Variants in CCNY observed in about 807,000 individuals in gnomAD.
The protein encoded by CCNY is cyclin Y, also known as cyclin-Y.
CCNY carries 19 observed loss-of-function variants against 42.8 expected under a neutral mutation model. The observed-to-expected ratio is 0.44, with a 90% CI of 0.31 to 0.65. CCNY has a LOEUF of 0.65. Ranked by LOEUF, CCNY falls within the 30% of genes least tolerant of loss-of-function variation. The probability of loss-of-function intolerance (pLI) is 0.07; values close to 1 mark genes in which losing one functional copy is unlikely to be tolerated. For synonymous variants in CCNY, 165 were observed against 162.7 expected (o/e 1.01, Z -0.11); for missense variants, 370 against 437.3 (o/e 0.85, Z 1.37).
chr10:35,374,813 C>G (rs976995019), intron 1 of CCNY, among the ~76,000 whole-genome samples: 2 of 152,152 alleles, frequency 1.3e-5, no homozygotes, highest in Non-Finnish European at 2.9e-5. Context: ...GGAAAATGAA[C>G]TAATTGTCCA....
chr10:35,266,667 G>A (rs1243099432), intron 3 of CCNY, among the ~76,000 whole-genome samples: 4 of 152,110 alleles, frequency 2.6e-5, no homozygotes, highest in Non-Finnish European at 5.9e-5. Context: ...GGTGATGCGG[G>A]GGGAATCGTT....
chr10:35,473,261 C>A (rs558567201), intron 1 of CCNY, among the ~76,000 whole-genome samples: 28 of 152,338 alleles, frequency 1.8e-4, no homozygotes, highest in South Asian at 8.3e-4. Context: ...CCACCTGCCT[C>A]GTGGCAGAGC....
rs188492216 is a variant in CCNY at position 35,422,331 on chromosome 10, T to C, written c.155-61073T>C. Among the ~76,000 whole-genome samples the C allele has an allele frequency of 4.3e-3, 659 of 152,298 alleles. 3 individuals carry two copies. Among genetic ancestry groups the C allele is most frequent in the Non-Finnish European group, 7.1e-3 (486 of 68,026 alleles). On this transcript the variant is annotated intron_variant, in intron 1 of 9. Transcript: ENST00000374704. ...TATGATATTCAGCTACAATTCTATA[T>C]AGGCAGTTGTGTTTTGAAAAAAGCA...
chr10:35,505,698 T>A (rs1355279119), intron 3 of CCNY, among the ~76,000 whole-genome samples: 2 of 152,242 alleles, frequency 1.3e-5, no homozygotes, highest in Non-Finnish European at 2.9e-5. Flanking sequence ...TATAACACCA[T>A]ATACGTATGT....
At chr10:35,384,814 C>T (rs1378470193) in intron 1 of CCNY, among the ~76,000 whole-genome samples, 2 of 152,132 alleles carry the variant, frequency 1.3e-5, no homozygotes, top group African/African-American at 4.8e-5. Context: ...AAATTGCTTC[C>T]GTGGGCTTCC....
At chr10:35,399,638 T>C (rs1485102897) in intron 1 of CCNY, among the ~76,000 whole-genome samples, 5 of 152,152 alleles carry the variant, frequency 3.3e-5, no homozygotes. Flanking sequence ...TGCCAGGAGT[T>C]CAAGACCAGC....
chr10:35,444,138 T>A (rs1838736521), intron 1 of CCNY, among the ~76,000 whole-genome samples: 1 of 147,216 alleles, frequency 6.8e-6, no homozygotes, highest in South Asian at 2.1e-4. Flanking sequence ...CTTGAAGGGC[T>A]TTAGAGGTGA....
intron 2 of CCNY, among the ~76,000 whole-genome samples, chr10:35,500,506 G>T (rs1840089409): frequency 6.6e-6 from 1 of 152,192 alleles, no homozygotes; most frequent in Non-Finnish European, 1.5e-5. Context: ...ACTGTAAGGA[G>T]AAAACCTTCT....
chr10:35,374,745 T>TA, intron 1 of CCNY, among the ~76,000 whole-genome samples: 1 of 152,356 alleles, frequency 6.6e-6, no homozygotes, highest in Non-Finnish European at 1.5e-5. Flanking sequence ...GAGATTCTAA[T>TA]ATACGTGTCT....
intron 1 of CCNY, among the ~76,000 whole-genome samples, chr10:35,353,220 C>T (rs930161303): frequency 6.6e-6 from 1 of 152,198 alleles, no homozygotes; most frequent in South Asian, 2.1e-4. Flanking sequence ...AGCTACCACA[C>T]GTGGTGGGTA....
In CCNY at chr10:35,553,043, T is replaced by TA; in HGVS notation, c.605dup (p.Tyr202Ter). ...TLVYLERLLT[Y>*]AEIDICPANW... ...GGTGTACCTTGAAAGACTTTTAACA[T>TA]ACGCAGAGATAGATATCTGTCCGGC... The change falls in exon 8 of 10, where the codon TAC becomes TAAC. Residue 202 changes from tyrosine to a stop codon, truncating the protein, a stop_gained and frameshift_variant. Transcript: ENST00000374704. LOFTEE classifies it high-confidence loss of function. 1 of 1,614,204 alleles carries TA rather than the reference T, an allele frequency of 6.2e-7. No homozygotes were observed. The highest frequency in any genetic ancestry group is 8.5e-7 in the Non-Finnish European group (1 of 1,180,008).
rs1812603124 is a variant in CCNY, at chr10:35,315,442, C to G, written c.-9+64816C>G. The G allele has an allele frequency of 2.0e-5, 3 of 152,186 alleles. No individual in the cohort carries two copies. The South Asian group carries it at 6.2e-4, about 31-fold the overall frequency. The allele number at this position is 152,186 out of a possible 1,614,324, so 9.4% of individuals were successfully genotyped here. A position where few individuals can be genotyped will look rare whatever the true frequency, so the allele number is the denominator to read the frequency against. The stretch of plus-strand genomic sequence containing the variant: ...TTCATGTTCCTGCAAAGGAAATAAT[C>G]TCATTCTTTTTTATGGCTGCATAGT... On this transcript the variant is annotated intron_variant, in intron 3 of 11. Transcript: ENST00000374706.
chr10:35,442,671 G>A (rs1650133208), intron 1 of CCNY, among the ~76,000 whole-genome samples: 2 of 152,316 alleles, frequency 1.3e-5, no homozygotes, highest in East Asian at 1.9e-4. Context: ...AACATATAGA[G>A]TATGAGTAAT....
intron 9 of CCNY, 152 bp from the exon 10 acceptor site, chr10:35,568,902 T>TGG (rs1396704882): frequency 1.6e-5 from 10 of 643,260 alleles, no homozygotes; most frequent in Non-Finnish European, 2.8e-5. Context: ...CGTATCTCCC[T>TGG]GCTGCCAGCA....
intron 3 of CCNY, among the ~76,000 whole-genome samples, chr10:35,257,297 TTCTC>T (rs1379605442): frequency 2.0e-5 from 3 of 148,998 alleles, no homozygotes; most frequent in Non-Finnish European, 3.0e-5. Flanking sequence ...CTCTCTCTCT[TTCTC>T]TCTCTTTCTT....
intron 1 of CCNY, among the ~76,000 whole-genome samples, chr10:35,451,417 G>C (rs1838913158): frequency 6.6e-6 from 1 of 152,202 alleles, no homozygotes; most frequent in Admixed American, 6.5e-5. Context: ...ACCAGAATGG[G>C]TGGGTCATTT....
chr10:35,465,189 A>C (rs1430184691), intron 1 of CCNY, among the ~76,000 whole-genome samples: 3 of 152,088 alleles, frequency 2.0e-5, no homozygotes, highest in Non-Finnish European at 4.4e-5. Context: ...TTTGTTAATG[A>C]CTGTTGAACA....
intron 7 of CCNY, among the ~76,000 whole-genome samples, chr10:35,547,276 A>G (rs1841135503): frequency 6.6e-6 from 1 of 152,224 alleles, no homozygotes; most frequent in African/African-American, 2.4e-5. Flanking sequence ...GCCGTTAAAA[A>G]TGAAAATCTC....
chr10:35,299,102 T>C (rs1384879826), intron 3 of CCNY, among the ~76,000 whole-genome samples: 1 of 152,230 alleles, frequency 6.6e-6, no homozygotes, highest in Admixed American at 6.5e-5. Flanking sequence ...CCAGTTTCAG[T>C]TACTGATTTC....
Sources: gnomAD v4.1 joint callset for allele counts (sites outside exome capture counted in the v4.1 genomes callset) on GRCh38, gnomAD v4.1.1 for gene constraint, MANE v1.5 for transcripts, NCBI Gene and HGNC (gene_info 2026-07-23, HGNC 2026-07-21) for gene names.